RIC8B: variants seen among roughly 807,000 people sequenced by gnomAD.
RIC8B encodes chaperone Ric-8B.
Under a neutral mutation model 57.5 loss-of-function variants are expected in RIC8B, and 16 were observed. The observed-to-expected ratio is 0.28, with a 90% confidence interval of 0.19 to 0.42. RIC8B has a LOEUF of 0.42. RIC8B is among the 10% of genes least tolerant of loss of function. The pLI, the probability that RIC8B is intolerant of heterozygous loss-of-function variation, is 1.00. For synonymous variants in RIC8B, 216 were observed against 250.8 expected, an observed-to-expected ratio of 0.86 and a Z score of 1.31; for missense variants, 481 against 677.0, an observed-to-expected ratio of 0.71 and a Z score of 3.21.
chr12:106,835,187 GT>G (rs1186477300), intron 4 of RIC8B, among the ~76,000 whole-genome samples: 1 of 151,884 alleles, frequency 6.6e-6, no homozygotes, highest in Non-Finnish European at 1.5e-5. Context: ...CACAACTCTG[GT>G]TTAAGGTCAT....
chr12:106,868,473 T>C (rs1314708622), intron 8 of RIC8B: 1 of 349,956 alleles, frequency 2.9e-6, no homozygotes, highest in Non-Finnish European at 5.7e-6. Flanking sequence ...CTAGTTGTTT[T>C]TCTAATTTAA....
intron 2 of RIC8B, among the ~76,000 whole-genome samples, chr12:106,807,955 C>T (rs770498059): frequency 6.6e-6 from 1 of 151,800 alleles, no homozygotes; most frequent in Non-Finnish European, 1.5e-5. Flanking sequence ...TGTGGTGGCA[C>T]GTGTCTGTAA....
chr12:106,823,545 T>TTATTA (rs1256130253), intron 3 of RIC8B: 1 of 430,118 alleles, frequency 2.3e-6, no homozygotes, highest in East Asian at 7.0e-5. Context: ...AAGAGAAAGA[T>TTATTA]TATTATATCT....
At chr12:106,789,796 G>A (rs533172099) in intron 2 of RIC8B, among the ~76,000 whole-genome samples, 114 of 152,190 alleles carry the variant, frequency 7.5e-4, no homozygotes, top group Middle Eastern at 3.4e-3. Flanking sequence ...GGAGCTCTAT[G>A]CCAGCAACTA....
intron 9 of RIC8B, among the ~76,000 whole-genome samples, chr12:106,878,822 G>GA (rs1468538257): frequency 2.3e-5 from 3 of 132,410 alleles, no homozygotes; most frequent in East Asian, 2.2e-4. Flanking sequence ...AATGCCTCAT[G>GA]TTCCCCCCCC....
intron 1 of RIC8B, among the ~76,000 whole-genome samples, chr12:106,779,140 C>T (rs1260987059): frequency 6.6e-6 from 1 of 151,976 alleles, no homozygotes; most frequent in African/African-American, 2.4e-5. Context: ...CTCGAATTTC[C>T]GACCTCAGGT....
At chr12:106,821,826 C>A (rs2136313274) in intron 3 of RIC8B, among the ~76,000 whole-genome samples, 1 of 151,924 alleles carries the variant, frequency 6.6e-6, no homozygotes, top group Non-Finnish European at 1.5e-5. Context: ...CGCCTGTAAT[C>A]CCAGCACTTT....
At chr12:106,803,215 CAAAA>C (rs55853235) in intron 2 of RIC8B, among the ~76,000 whole-genome samples, 55 of 84,016 alleles carry the variant, frequency 6.5e-4, no homozygotes, top group African/African-American at 2.2e-3. Flanking sequence ...TACCCTGTCT[CAAAA>C]AAAAAAAAAA....
chr12:106,821,321 G>C (rs2045831717), intron 3 of RIC8B, among the ~76,000 whole-genome samples: 3 of 152,206 alleles, frequency 2.0e-5, no homozygotes, highest in Admixed American at 2.0e-4. Context: ...TAATGGAATA[G>C]AATAAATAGA....
At chr12:106,870,744 C>A in intron 8 of RIC8B, 79 bp from the exon 9 acceptor site, 2 of 1,160,616 alleles carry the variant, frequency 1.7e-6, no homozygotes, top group South Asian at 2.3e-5. Context: ...TTCTTATTAT[C>A]ACTTAAAAGT....
chr12:106,841,917 C>T (rs1948966864), intron 4 of RIC8B, among the ~76,000 whole-genome samples: 1 of 152,132 alleles, frequency 6.6e-6, no homozygotes, highest in Non-Finnish European at 1.5e-5. Flanking sequence ...TACTGGTGTG[C>T]ATCCCAGTCT....
intron 7 of RIC8B, among the ~76,000 whole-genome samples, chr12:106,852,744 T>C (rs1372477079): frequency 6.6e-6 from 1 of 152,260 alleles, no homozygotes; most frequent in East Asian, 1.9e-4. Flanking sequence ...TTTCCTCTCA[T>C]AATAATTATA....
At chr12:106,800,521 G>T (rs1288721680) in intron 2 of RIC8B, among the ~76,000 whole-genome samples, 4 of 152,110 alleles carry the variant, frequency 2.6e-5, no homozygotes, top group African/African-American at 4.8e-5. Context: ...ATTGAGGGGG[G>T]ACACAGATCC....
chr12:106,866,924 C>A (rs182547496), intron 8 of RIC8B, among the ~76,000 whole-genome samples: 1 of 152,154 alleles, frequency 6.6e-6, no homozygotes, highest in Non-Finnish European at 1.5e-5. Context: ...TTCCTTCCTA[C>A]GAGGTATAAG....
chr12:106,860,339 G>A lies in RIC8B; in HGVS notation c.1378G>A (p.Gly460Arg), dbSNP rs1227994625. Residue 460 changes from glycine to arginine, a missense_variant, in exon 8 of 10, where the codon GGA (glycine) becomes AGA (arginine). Transcript: ENST00000392837. ...GTTGGCGGCCAGGGGCCTCTTGGCT[G>A]GAGGAAGAGGAGATAATTGGTACTC... Reference protein sequence around the residue: ...GLLAARGLLAGGRGDNWYSED... With the variant: ...GLLAARGLLARGRGDNWYSED... The A allele has an allele frequency of 1.2e-6, 2 of 1,607,962 alleles. No homozygotes were observed. Among genetic ancestry groups the A allele is most frequent in the Admixed American group, 3.4e-5 (2 of 59,336 alleles).
chr12:106,870,999 C>A, intron 9 of RIC8B, 57 bp downstream of exon 9: 1 of 1,506,556 alleles, frequency 6.6e-7, no homozygotes, highest in Non-Finnish European at 9.0e-7. Context: ...ATTTCTTTGT[C>A]TCTCTCACTG....
At chr12:106,823,419 G>A (rs1268821045) in intron 3 of RIC8B, 6 of 456,130 alleles carry the variant, frequency 1.3e-5, no homozygotes, top group East Asian at 1.4e-4. Context: ...GGTACAACTT[G>A]GGAGTTGATG....
At position 106,879,605 on chromosome 12, in the gene RIC8B, A is replaced by G. The variant is rs557945378; in HGVS notation, c.1572-6299A>G. 2 of 985,194 alleles carry G rather than the reference A, an allele frequency of 2.0e-6. No individual in the cohort carries two copies. The highest frequency in any genetic ancestry group is 4.7e-5 in the South Asian group (1 of 21,276). The allele number at this position is 985,194 out of a possible 1,614,324, so 61.0% of individuals were successfully genotyped here. On this transcript the variant is annotated intron_variant, in intron 9 of 9. Coordinates refer to ENST00000392837, the MANE Select transcript of RIC8B (RefSeq NM_001330145.2). This position sits in a 1 kb window ranked among gnomAD's most constrained non-coding sequence, Gnocchi z 4.9. ...TATCTCCCATCCCTAGCTCTTTAAG[A>G]AATTATTTTTTTGGTTTCCATTAGC...
intron 2 of RIC8B, among the ~76,000 whole-genome samples, chr12:106,804,197 C>G (rs916486782): frequency 3.3e-5 from 5 of 149,972 alleles, no homozygotes; most frequent in African/African-American, 1.2e-4. Flanking sequence ...GAAGTAGGTA[C>G]TTTTTTTTCC....
Sources: gnomAD v4.1 joint callset for allele counts (sites outside exome capture counted in the v4.1 genomes callset) on GRCh38, gnomAD v4.1.1 for gene constraint, Gnocchi (gnomAD v3.1) non-coding constraint, MANE v1.5 for transcripts, NCBI Gene and HGNC (gene_info 2026-07-23, HGNC 2026-07-21) for gene names.